Variants in GAS7 observed in about 807,000 individuals in gnomAD.
GAS7 encodes the protein growth arrest-specific protein 7.
A neutral mutation model predicts 71.1 loss-of-function variants in GAS7; 28 were observed. The ratio of observed to expected loss-of-function variants is 0.39; its 90% CI spans 0.29 to 0.54. GAS7 has a LOEUF of 0.54. Ranked by LOEUF, GAS7 falls within the 20% of genes least tolerant of loss-of-function variation. The pLI, the probability that GAS7 is intolerant of heterozygous loss-of-function variation, is 0.62. For synonymous variants in GAS7, 258 were observed against 245.8 expected, an observed-to-expected ratio of 1.05 and a Z score of -0.46; for missense variants, 436 against 627.8, an observed-to-expected ratio of 0.69 and a Z score of 3.27.
intron 1 of GAS7, among the ~76,000 whole-genome samples, chr17:10,041,281 C>G (rs2072864343): frequency 1.3e-5 from 2 of 152,134 alleles, no homozygotes; most frequent in African/African-American, 4.8e-5. Flanking sequence ...GCTTTCATAG[C>G]CTGTGACTCC....
chr17:9,981,163 G>T lies in GAS7; in HGVS notation c.385+641C>A, dbSNP rs369901374. ...ACAAATTAGCCGGGTGTGGTGGTGC[G>T]CACCTGCAATCGCAGCTACTCGGGA... On this transcript the variant is annotated intron_variant, in intron 3 of 13. Coordinates refer to ENST00000432992, the MANE Select transcript of GAS7 (RefSeq NM_201433.2). The surrounding 1 kb of genome is among the most constrained non-coding windows in gnomAD (Gnocchi z 4.4). Among the ~76,000 whole-genome samples the T allele has an allele frequency of 2.6e-5, 4 of 152,046 alleles. No homozygotes were observed. Among genetic ancestry groups the T allele is most frequent in the Admixed American group, 2.0e-4 (3 of 15,258 alleles).
rs534493344 is a variant in GAS7, at chr17:9,949,961, A to C, written c.526-2978T>G. 6.7e-4 allele frequency among the ~76,000 whole-genome samples: 100 copies of C among 150,012 alleles called. 2 individuals are homozygous for C. Among genetic ancestry groups the C allele is most frequent in the African/African-American group, 2.1e-3 (87 of 40,658 alleles). ...ACTGCAACCTCTGCTTCACTGGCTC[A>C]AGTGATTCTCCTGCCTCAGCCTCTC... On this transcript the variant is annotated intron_variant, in intron 5 of 13. Coordinates refer to ENST00000432992, the MANE Select transcript of GAS7 (RefSeq NM_201433.2).
intron 3 of GAS7, among the ~76,000 whole-genome samples, chr17:9,972,173 A>G (rs1015370204): frequency 2.6e-5 from 4 of 152,236 alleles, no homozygotes; most frequent in Non-Finnish European, 5.9e-5. Flanking sequence ...AGGGCCAGCT[A>G]CAAGCCTGGG....
At chr17:10,038,661 C>T (rs2072804067) in intron 1 of GAS7, among the ~76,000 whole-genome samples, 1 of 150,292 alleles carries the variant, frequency 6.7e-6, no homozygotes, top group South Asian at 2.1e-4. Context: ...AAAATAAACA[C>T]AATAGAATAT....
At chr17:10,106,337 T>G (rs565426596) in intron 1 of GAS7, among the ~76,000 whole-genome samples, 6 of 152,300 alleles carry the variant, frequency 3.9e-5, no homozygotes, top group African/African-American at 1.4e-4. Context: ...CTCCAGCACC[T>G]GTCTGCAGCC....
At chr17:10,030,902 T>C (rs1487900144) in intron 1 of GAS7, among the ~76,000 whole-genome samples, 1 of 152,136 alleles carries the variant, frequency 6.6e-6, no homozygotes, top group Non-Finnish European at 1.5e-5. Context: ...AGTGACTCGC[T>C]TGGGCTCCCC....
intron 1 of GAS7, among the ~76,000 whole-genome samples, chr17:10,076,627 C>A (rs2152249513): frequency 6.6e-6 from 1 of 152,144 alleles, no homozygotes; most frequent in South Asian, 2.1e-4. Context: ...ATAAAAATTA[C>A]CAATATTCTA....
At chr17:9,962,521 T>A (rs930037162) in intron 4 of GAS7, among the ~76,000 whole-genome samples, 21 of 152,236 alleles carry the variant, frequency 1.4e-4, no homozygotes, top group African/African-American at 4.8e-4. Flanking sequence ...TGCGACAATT[T>A]GAGCACAAAT....
At chr17:9,935,207 G>A (rs371653795) in intron 8 of GAS7, among the ~76,000 whole-genome samples, 3 of 152,196 alleles carry the variant, frequency 2.0e-5, no homozygotes, top group Non-Finnish European at 4.4e-5. Context: ...TAGGAAGCAC[G>A]GTCTCCTCTA....
intron 1 of GAS7, among the ~76,000 whole-genome samples, chr17:10,117,872 G>A (rs889798932): frequency 6.6e-6 from 1 of 152,140 alleles, no homozygotes; most frequent in Non-Finnish European, 1.5e-5. Context: ...GGGCCAACCT[G>A]CATTCTCAAC....
intron 1 of GAS7, among the ~76,000 whole-genome samples, chr17:10,111,380 A>C (rs1042761025): frequency 5.3e-5 from 8 of 151,890 alleles, no homozygotes; most frequent in Admixed American, 2.0e-4. Flanking sequence ...AAAAATACAA[A>C]ATAATAGCCA....
At chr17:10,025,995 G>A (rs1458227020) in intron 1 of GAS7, among the ~76,000 whole-genome samples, 1 of 152,110 alleles carries the variant, frequency 6.6e-6, no homozygotes, top group Non-Finnish European at 1.5e-5. Context: ...AACAGACGGT[G>A]GAGGTTGTCT....
chr17:10,116,245 C>T (rs549476506), intron 1 of GAS7, among the ~76,000 whole-genome samples: 4 of 151,778 alleles, frequency 2.6e-5, no homozygotes, highest in Non-Finnish European at 5.9e-5. Flanking sequence ...ACCCAGGAGG[C>T]GGAGGTTGCA....
At chr17:9,917,923 A>T in intron 13 of GAS7, 78 bp downstream of exon 13, 1 of 1,018,102 alleles carries the variant, frequency 9.8e-7, no homozygotes, top group Non-Finnish European at 1.5e-6. Context: ...GCAGCCACTT[A>T]ACCTGCCACG....
rs925956418 is a variant in GAS7, at chr17:9,915,727, A to T, written c.*1501T>A. 2 of 230,684 alleles carry T rather than the reference A, an allele frequency of 8.7e-6. No individual in the cohort carries two copies. The highest frequency in any genetic ancestry group is 2.2e-5 in the African/African-American group (1 of 45,184). 14.3% of individuals were successfully genotyped at this position (230,684 alleles called of 1,614,324 possible). On this transcript the variant is annotated 3_prime_UTR_variant, in exon 14 of 14. Transcript: ENST00000432992. ...GCCCTCACTGCAGATGTGCAGGTCA[A>T]ACCCAAAGTGGTCAATGGGAAAGAT...
intron 1 of GAS7, among the ~76,000 whole-genome samples, chr17:10,027,286 G>A (rs575836769): frequency 6.6e-6 from 1 of 152,308 alleles, no homozygotes. Context: ...AATTATAGTA[G>A]GAACTAGGCT....
chr17:10,039,550 G>C (rs994425186), intron 1 of GAS7, among the ~76,000 whole-genome samples: 3 of 152,192 alleles, frequency 2.0e-5, no homozygotes, highest in Non-Finnish European at 4.4e-5. Context: ...AGGCATGGTG[G>C]CGGGCGCCTG....
intron 1 of GAS7, among the ~76,000 whole-genome samples, chr17:10,021,460 C>T (rs2072265450): frequency 6.6e-6 from 1 of 152,210 alleles, no homozygotes; most frequent in Non-Finnish European, 1.5e-5. Flanking sequence ...TTTGAGTAAA[C>T]ACAGCCTCCC....
At chr17:9,954,000 C>G (rs1399652604) in intron 5 of GAS7, among the ~76,000 whole-genome samples, 2 of 152,078 alleles carry the variant, frequency 1.3e-5, no homozygotes, top group African/African-American at 4.8e-5. Context: ...GTGGAGTAAG[C>G]CTGAGGTGCT....
Sources: gnomAD v4.1 joint callset for allele counts (sites outside exome capture counted in the v4.1 genomes callset) on GRCh38, gnomAD v4.1.1 for gene constraint, Gnocchi (gnomAD v3.1) non-coding constraint, MANE v1.5 for transcripts, NCBI Gene and HGNC (gene_info 2026-07-23, HGNC 2026-07-21) for gene names.